The following EYS variants were observed in gnomAD, a reference collection of about 807,000 sequenced individuals.
EYS encodes the protein EGF-like photoreceptor maintenance factor.
A neutral mutation model predicts 282.1 loss-of-function variants in EYS; 250 were observed. That is an observed-to-expected ratio of 0.89 (90% CI 0.80 to 0.98). EYS has a LOEUF of 0.98. EYS is among the 50% of genes least tolerant of loss of function. The pLI, the probability that EYS is intolerant of heterozygous loss-of-function variation, is 0.00. For missense variants in EYS, 4,016 were observed against 3,709.0 expected, an observed-to-expected ratio of 1.08 and a Z score of -2.15; for synonymous variants, 1,355 against 1,282.9, an observed-to-expected ratio of 1.06 and a Z score of -1.20.
rs1768355972 is a variant in EYS, at chr6:65,442,160, ATAAT to A, written c.863-36797_863-36794del. ...AAAAAATATGACTATAATTTTTCTAATAATTAGAGTTCTTCATATATGAAAATTT... is the reference window on the plus strand; with the variant it reads ...AAAAAATATGACTATAATTTTTCTAATAGAGTTCTTCATATATGAAAATTT... On this transcript the variant is annotated intron_variant, in intron 5 of 42. Coordinates refer to ENST00000503581, the MANE Select transcript of EYS (RefSeq NM_001142800.2). Among the ~76,000 whole-genome samples the A allele has an allele frequency of 3.3e-5, 5 of 152,106 alleles. 1 individual carries two copies. In the South Asian group the frequency reaches 8.3e-4, roughly 25 times the overall value.
At chr6:65,231,861 A>G (rs1364414262) in intron 12 of EYS, among the ~76,000 whole-genome samples, 1 of 151,880 alleles carries the variant, frequency 6.6e-6, no homozygotes, top group South Asian at 2.1e-4. Context: ...AAGTAGTGGT[A>G]TGAATAGTTC....
chr6:64,316,934 G>T (rs1208743428), intron 29 of EYS, among the ~76,000 whole-genome samples: 3 of 152,042 alleles, frequency 2.0e-5, no homozygotes. Context: ...TCTGATCTTT[G>T]ACAAACCTGA....
intron 12 of EYS, among the ~76,000 whole-genome samples, chr6:65,224,962 A>G (rs1766582185): frequency 6.6e-6 from 1 of 152,156 alleles, no homozygotes; most frequent in Non-Finnish European, 1.5e-5. Flanking sequence ...AGATGGCCAC[A>G]CTGACAAATT....
intron 5 of EYS, among the ~76,000 whole-genome samples, chr6:65,411,128 A>G (rs531940973): frequency 1.9e-4 from 29 of 152,170 alleles, no homozygotes; most frequent in African/African-American, 6.7e-4. Flanking sequence ...CTGTACAAAA[A>G]ATAGAAGACT....
At chr6:64,876,607 A>C (rs1462003694) in intron 19 of EYS, among the ~76,000 whole-genome samples, 1 of 152,172 alleles carries the variant, frequency 6.6e-6, no homozygotes, top group Non-Finnish European at 1.5e-5. Flanking sequence ...TAAACAGTTA[A>C]GTGACAGACT....
chr6:64,366,834 C>T (rs998460742), intron 29 of EYS, among the ~76,000 whole-genome samples: 3 of 152,040 alleles, frequency 2.0e-5, no homozygotes, highest in Admixed American at 2.0e-4. Flanking sequence ...AAAGTGCTTG[C>T]TCTTTTTAGT....
At chr6:63,742,904 C>A (rs191117256) in intron 41 of EYS, among the ~76,000 whole-genome samples, 85 of 152,132 alleles carry the variant, frequency 5.6e-4, no homozygotes, top group Middle Eastern at 3.4e-3. Flanking sequence ...TAGGATTTGG[C>A]TATTATAATA....
intron 35 of EYS, among the ~76,000 whole-genome samples, chr6:63,881,304 GC>G (rs1243339613): frequency 3.3e-5 from 5 of 152,146 alleles, no homozygotes; most frequent in Non-Finnish European, 7.4e-5. Flanking sequence ...AAACTGCTAG[GC>G]TCACTATAGC....
At chr6:65,361,445 T>C (rs980182834) in intron 8 of EYS, among the ~76,000 whole-genome samples, 2 of 151,968 alleles carry the variant, frequency 1.3e-5, no homozygotes, top group African/African-American at 4.8e-5. Context: ...CAGGAATTTC[T>C]TTCTCTTTTT....
At chr6:64,271,060 G>A (rs1184900458) in intron 30 of EYS, among the ~76,000 whole-genome samples, 3 of 152,122 alleles carry the variant, frequency 2.0e-5, no homozygotes, top group African/African-American at 4.8e-5. Context: ...TTCTTTACCA[G>A]TGTGAACAGA....
At chr6:63,855,932 C>T (rs1772378289) in intron 36 of EYS, among the ~76,000 whole-genome samples, 1 of 150,030 alleles carries the variant, frequency 6.7e-6, no homozygotes, top group Non-Finnish European at 1.5e-5. Flanking sequence ...TGAATATAAA[C>T]AAAAGCTTGA....
chr6:65,498,370 A>G (rs1766328316), intron 2 of EYS, among the ~76,000 whole-genome samples: 1 of 152,112 alleles, frequency 6.6e-6, no homozygotes. Flanking sequence ...CTTAGTTGAA[A>G]AGGATACACT....
At chr6:64,076,036 C>T (rs1339288955) in intron 32 of EYS, among the ~76,000 whole-genome samples, 2 of 151,886 alleles carry the variant, frequency 1.3e-5, no homozygotes, top group Admixed American at 6.6e-5. Context: ...CAGAGTTGAA[C>T]TTGTGCAGCT....
At chr6:65,223,565 A>G (rs113371365) in intron 12 of EYS, among the ~76,000 whole-genome samples, 88 of 152,272 alleles carry the variant, frequency 5.8e-4, no homozygotes, top group African/African-American at 1.8e-3. Context: ...AAGACATATG[A>G]TGTGTGTTGA....
At chr6:65,510,354 T>G (rs1047611705) in intron 2 of EYS, among the ~76,000 whole-genome samples, 2 of 152,046 alleles carry the variant, frequency 1.3e-5, no homozygotes, top group African/African-American at 4.8e-5. Context: ...AATCATCATT[T>G]TTATGGCTGC....
At chr6:64,432,604 A>T (rs4452624) in intron 28 of EYS, among the ~76,000 whole-genome samples, 41,839 of 151,186 alleles carry the variant, frequency 0.28, 5,924 homozygotes, top group East Asian at 0.46. Context: ...AGTATATTAA[A>T]AACTTAATAC....
At chr6:64,759,135 T>C (rs950506560) in intron 22 of EYS, among the ~76,000 whole-genome samples, 2 of 130,132 alleles carry the variant, frequency 1.5e-5, no homozygotes, top group East Asian at 2.2e-4. Context: ...CGAGACTCCA[T>C]CTCAAAAAAG....
chr6:65,219,502 CTT>C (rs544426736), intron 12 of EYS, among the ~76,000 whole-genome samples: 2 of 152,024 alleles, frequency 1.3e-5, no homozygotes, highest in Non-Finnish European at 2.9e-5. Flanking sequence ...TTTAGAGAAA[CTT>C]TTTTTCAGAC....
intron 1 of EYS, among the ~76,000 whole-genome samples, chr6:65,663,244 A>G (rs933042745): frequency 2.0e-5 from 3 of 152,204 alleles, no homozygotes; most frequent in African/African-American, 7.2e-5. Context: ...TTAGGTATCT[A>G]GAGAACAGGA....
Sources: gnomAD v4.1 joint callset for allele counts (sites outside exome capture counted in the v4.1 genomes callset) on GRCh38, gnomAD v4.1.1 for gene constraint, MANE v1.5 for transcripts, NCBI Gene and HGNC (gene_info 2026-07-23, HGNC 2026-07-21) for gene names.